Variants in POGLUT3 observed in about 807,000 individuals in gnomAD.
POGLUT3 encodes KDEL (Lys-Asp-Glu-Leu) containing 2.
A neutral mutation model predicts 54.3 loss-of-function variants in POGLUT3; 48 were observed. That is an observed-to-expected ratio of 0.88 (90% confidence interval 0.70 to 1.12). POGLUT3 has a LOEUF of 1.12. POGLUT3 is among the 50% of genes most tolerant of loss of function. The probability of loss-of-function intolerance (pLI) is 0.00; values close to 1 mark genes in which losing one functional copy is unlikely to be tolerated. For missense variants in POGLUT3, 629 were observed against 618.7 expected (o/e 1.02, Z -0.18); for synonymous variants, 218 against 237.4 (o/e 0.92, Z 0.75).
chr11:108,493,997 A>G (rs1468109313), intron 1 of POGLUT3, among the ~76,000 whole-genome samples: 1 of 152,168 alleles, frequency 6.6e-6, no homozygotes, highest in Non-Finnish European at 1.5e-5. Flanking sequence ...AATCAAAAGC[A>G]TATTTAGAAA....
intron 1 of POGLUT3, among the ~76,000 whole-genome samples, chr11:108,492,202 C>A (rs1299312144): frequency 1.4e-4 from 21 of 152,200 alleles, no homozygotes; most frequent in Admixed American, 1.4e-3. Context: ...ATTCCACCTT[C>A]AAAGTTTTGT....
intron 2 of POGLUT3, among the ~76,000 whole-genome samples, chr11:108,490,279 C>T (rs2093610776): frequency 6.6e-6 from 1 of 152,092 alleles, no homozygotes; most frequent in Admixed American, 6.5e-5. Context: ...CTCACTGCAA[C>T]CTCCACCTCC....
At position 108,474,686 on chromosome 11, in the gene POGLUT3, C is replaced by T; in HGVS notation, c.*141G>A. ...TCAGATGAGGGATACTCAACCAGTA[C>T]TGCTATATCCATCTACATATATAAA... On this transcript the variant is annotated 3_prime_UTR_variant, in exon 8 of 8. Transcript: ENST00000323468. 1 of 796,028 alleles carries T rather than the reference C, an allele frequency of 1.3e-6. No individual in the cohort carries two copies. The allele number at this position is 796,028 out of a possible 1,614,324, so 49.3% of individuals were successfully genotyped here. A position where few individuals can be genotyped will look rare whatever the true frequency, so the allele number is the denominator to read the frequency against.
At position 108,486,080 on chromosome 11, in the gene POGLUT3, T is replaced by C. The variant is rs946556328; in HGVS notation, c.684+77A>G. On this transcript the variant is annotated intron_variant, in intron 3 of 7. Coordinates refer to ENST00000323468, the MANE Select transcript of POGLUT3 (RefSeq NM_153705.5). ...CTCAGCCTGAAATCTGTTTCATCCT[T>C]TGTCATTATAATTCTAAACATTTAA... 3.3e-6 allele frequency: 4 copies of C among 1,203,204 alleles called. No individual in the cohort carries two copies. The Admixed American group carries it at 8.4e-5, about 25-fold the overall frequency. 74.5% of individuals were successfully genotyped at this position (1,203,204 alleles called of 1,614,324 possible).
At chr11:108,476,173 G>A (rs919803292) in intron 7 of POGLUT3, among the ~76,000 whole-genome samples, 1 of 151,866 alleles carries the variant, frequency 6.6e-6, no homozygotes, top group African/African-American at 2.4e-5. Context: ...TGCTCTTGTT[G>A]CCCAGGCTGG....
intron 3 of POGLUT3, among the ~76,000 whole-genome samples, chr11:108,485,419 G>GA (rs1234460154): frequency 6.6e-6 from 1 of 152,028 alleles, no homozygotes; most frequent in Non-Finnish European, 1.5e-5. Flanking sequence ...TTGAGCCCAA[G>GA]AATTTGAGAC....
intron 6 of POGLUT3, chr11:108,477,920 TAGA>T (rs2093585194): frequency 1.8e-6 from 1 of 549,256 alleles, no homozygotes; most frequent in East Asian, 3.2e-5. Context: ...GGCCCAAAGC[TAGA>T]AGATCACTTA....
intron 7 of POGLUT3, among the ~76,000 whole-genome samples, chr11:108,475,660 C>T (rs562674511): frequency 1.3e-5 from 2 of 151,468 alleles, no homozygotes; most frequent in South Asian, 4.2e-4. Context: ...GTAGAGATGG[C>T]GTTTCACCAT....
rs1004105853 is a variant in POGLUT3 at position 108,472,841 on chromosome 11, T to C, written c.*1986A>G. The C allele has an allele frequency of 6.6e-6, 1 of 152,206 alleles. No individual in the cohort carries two copies. The highest frequency in any genetic ancestry group is 6.5e-5 in the Admixed American group (1 of 15,274). The allele number at this position is 152,206 out of a possible 1,614,324, so 9.4% of individuals were successfully genotyped here. ...ATGGGCTCAGGACAGCTTGCTCTTA[T>C]TTAATACTTGCGTGCTTGTGGTTTT... is the stretch of plus-strand genomic sequence containing the variant. On this transcript the variant is annotated 3_prime_UTR_variant, in exon 8 of 8. Coordinates refer to ENST00000323468, the MANE Select transcript of POGLUT3 (RefSeq NM_153705.5).
rs1407004915 is a variant in POGLUT3, at chr11:108,472,846, T to C, written c.*1981A>G. 6.6e-6 allele frequency: 1 copy of C among 152,214 alleles called. No homozygotes were observed. The highest frequency in any genetic ancestry group is 2.4e-5 in the African/African-American group (1 of 41,460). The allele number at this position is 152,214 out of a possible 1,614,324, so 9.4% of individuals were successfully genotyped here. A position where few individuals can be genotyped will look rare whatever the true frequency, so the allele number is the denominator to read the frequency against. ...CTCAGGACAGCTTGCTCTTATTTAATACTTGCGTGCTTGTGGTTTTGCACA... is the reference window on the plus strand; with the variant it reads ...CTCAGGACAGCTTGCTCTTATTTAACACTTGCGTGCTTGTGGTTTTGCACA... On this transcript the variant is annotated 3_prime_UTR_variant, in exon 8 of 8. Transcript: ENST00000323468.
intron 5 of POGLUT3, 132 bp downstream of exon 5, chr11:108,481,048 A>C: frequency 1.5e-6 from 1 of 670,962 alleles, no homozygotes; most frequent in Non-Finnish European, 2.5e-6. Flanking sequence ...AATTCCTGAT[A>C]TCTAATAAGA....
intron 7 of POGLUT3, among the ~76,000 whole-genome samples, chr11:108,475,463 G>GTTT (rs367899085): frequency 0.027 from 2,988 of 109,400 alleles, 244 homozygotes; most frequent in African/African-American, 0.053. Flanking sequence ...AGTTTTTTTT[G>GTTT]TTTTTGTTTT....
chr11:108,487,749 T>G (rs997354491), intron 2 of POGLUT3, among the ~76,000 whole-genome samples: 1 of 151,596 alleles, frequency 6.6e-6, no homozygotes, highest in Admixed American at 6.6e-5. Context: ...GTAACTGGGA[T>G]TACAGGTGTG....
In POGLUT3 at chr11:108,481,385, T is replaced by G; in HGVS notation, c.902-9A>C. 6.5e-7 allele frequency: 1 copy of G among 1,550,076 alleles called. No homozygotes were observed. The highest frequency in any genetic ancestry group is 8.6e-7 in the Non-Finnish European group (1 of 1,157,022). ...ATTGATCCAGGAAGGCCCTACAAGT[T>G]TGAAGCCATAAAAAAATTAGGATTA... is the stretch of plus-strand genomic sequence containing the variant. On this transcript the variant is annotated splice_polypyrimidine_tract_variant and intron_variant, in intron 4 of 7. Coordinates refer to ENST00000323468, the MANE Select transcript of POGLUT3 (RefSeq NM_153705.5).
chr11:108,479,580 AC>A, intron 5 of POGLUT3, 85 bp from the exon 6 acceptor site: 1 of 891,480 alleles, frequency 1.1e-6, no homozygotes, highest in African/African-American at 1.7e-5. Flanking sequence ...AATACCAACT[AC>A]AGAGGAATTA....
rs1478261346 is a variant in POGLUT3, at chr11:108,474,398, G to T, written c.*429C>A. On this transcript the variant is annotated 3_prime_UTR_variant, in exon 8 of 8. Transcript: ENST00000323468. The stretch of plus-strand genomic sequence containing the variant: ...CCCCAAAATCCAAAACTTTTTGAGT[G>T]CTGACACCACCACTTGGGTCGCTAA... 1 of 152,294 alleles carries T rather than the reference G, an allele frequency of 6.6e-6. No homozygotes were observed. Among genetic ancestry groups the T allele is most frequent in the Non-Finnish European group, 1.5e-5 (1 of 68,132 alleles). The allele number at this position is 152,294 out of a possible 1,614,324, so 9.4% of individuals were successfully genotyped here. A position where few individuals can be genotyped will look rare whatever the true frequency, so the allele number is the denominator to read the frequency against.
Position 108,474,947 on chromosome 11 carries a change from A to G in POGLUT3, c.1404T>C (p.Tyr468=). The G allele has an allele frequency of 6.2e-7, 1 of 1,613,936 alleles. No individual in the cohort carries two copies. Among genetic ancestry groups the G allele is most frequent in the African/African-American group, 1.3e-5 (1 of 75,040 alleles). Residue 468 remains tyrosine, a synonymous_variant, in exon 8 of 8, where the codon TAT becomes TAC. Transcript: ENST00000323468. ...YCYYYQVLQK[Y]AERQSSKPEV... ...CGGGTTTGCTGGACTGGCGCTCGGC[A>G]TATTTCTGAAACGTGGGTTTAAAGG...
chr11:108,485,097 T>G (rs895087777), intron 3 of POGLUT3, among the ~76,000 whole-genome samples: 9 of 152,176 alleles, frequency 5.9e-5, no homozygotes, highest in Non-Finnish European at 1.3e-4. Flanking sequence ...AGATGTCTAT[T>G]TTTAAATATC....
chr11:108,496,012 A>G (rs1462848479), intron 1 of POGLUT3, among the ~76,000 whole-genome samples: 5 of 152,112 alleles, frequency 3.3e-5, no homozygotes, highest in African/African-American at 1.2e-4. Flanking sequence ...TATATAATAT[A>G]TGTACATATA....
Sources: gnomAD v4.1 joint callset for allele counts (sites outside exome capture counted in the v4.1 genomes callset) on GRCh38, gnomAD v4.1.1 for gene constraint, MANE v1.5 for transcripts, NCBI Gene and HGNC (gene_info 2026-07-23, HGNC 2026-07-21) for gene names.